CTNNA3: variants seen among roughly 807,000 people sequenced by gnomAD.
CTNNA3 encodes the protein catenin alpha-3.
In CTNNA3, 76 loss-of-function variants were observed where a neutral mutation model predicts 95.7. That is an observed-to-expected ratio of 0.79 (90% confidence interval 0.66 to 0.96). The LOEUF is 0.96. CTNNA3 is among the 40% of genes least tolerant of loss of function. The probability of loss-of-function intolerance (pLI) is 0.00; values close to 1 mark genes in which losing one functional copy is unlikely to be tolerated. For synonymous variants in CTNNA3, 431 were observed against 374.4 expected, an observed-to-expected ratio of 1.15 and a Z score of -1.74; for missense variants, 1,191 against 1,089.8, an observed-to-expected ratio of 1.09 and a Z score of -1.31.
chr10:66,787,591 C>T (rs949097210), intron 7 of CTNNA3, among the ~76,000 whole-genome samples: 1 of 152,086 alleles, frequency 6.6e-6, no homozygotes, highest in Non-Finnish European at 1.5e-5. Flanking sequence ...CAAGACCTAT[C>T]CCCTTGTCTA....
chr10:66,477,153 T>C (rs1411525667), intron 11 of CTNNA3, among the ~76,000 whole-genome samples: 1 of 152,124 alleles, frequency 6.6e-6, no homozygotes, highest in Non-Finnish European at 1.5e-5. Flanking sequence ...AAAGTAAAGA[T>C]GATGAAAGAT....
rs1843578821 is a variant in CTNNA3, at chr10:67,614,354, A to C, written c.100-7305T>G. On this transcript the variant is annotated intron_variant, in intron 2 of 17. Transcript: ENST00000433211. ...GGATTACATTTATTGTGTACTTTAT[A>C]TTATTATTACATTGTAATATATATG... Among the ~76,000 whole-genome samples the C allele has an allele frequency of 1.3e-5, 2 of 152,190 alleles. 1 individual carries two copies. The highest frequency in any genetic ancestry group is 4.1e-4 in the South Asian group (2 of 4,826).
chr10:66,550,316 T>C (rs903832070), intron 10 of CTNNA3, among the ~76,000 whole-genome samples: 7 of 152,204 alleles, frequency 4.6e-5, no homozygotes, highest in African/African-American at 1.2e-4. Context: ...TCTGTCTTTA[T>C]AGATCTGTAT....
intron 7 of CTNNA3, among the ~76,000 whole-genome samples, chr10:66,777,344 CT>C (rs1840342525): frequency 6.6e-6 from 1 of 151,658 alleles, no homozygotes; most frequent in African/African-American, 2.4e-5. Flanking sequence ...GTTTTAGTTT[CT>C]TATAAAGAGA....
intron 2 of CTNNA3, among the ~76,000 whole-genome samples, chr10:67,630,074 G>T (rs1408582808): frequency 6.6e-6 from 1 of 152,136 alleles, no homozygotes; most frequent in African/African-American, 2.4e-5. Flanking sequence ...ACCTATAACT[G>T]AGTGTCACTA....
At chr10:67,355,748 T>C (rs1256131034) in intron 5 of CTNNA3, among the ~76,000 whole-genome samples, 1 of 152,096 alleles carries the variant, frequency 6.6e-6, no homozygotes, top group African/African-American at 2.4e-5. Context: ...AAAGCTATCA[T>C]CGTTTTCAAA....
At chr10:66,158,703 A>T (rs1315523677) in intron 13 of CTNNA3, among the ~76,000 whole-genome samples, 1 of 152,018 alleles carries the variant, frequency 6.6e-6, no homozygotes, top group African/African-American at 2.4e-5. Flanking sequence ...TGGTAATTTA[A>T]TGGAAATTGC....
chr10:67,593,942 A>G (rs946824716), intron 3 of CTNNA3, among the ~76,000 whole-genome samples: 2 of 152,126 alleles, frequency 1.3e-5, no homozygotes, highest in African/African-American at 4.8e-5. Context: ...TTTGATGCCT[A>G]GTTTGTTGAG....
intron 11 of CTNNA3, among the ~76,000 whole-genome samples, chr10:66,403,691 C>T (rs1214832519): frequency 1.3e-5 from 2 of 152,054 alleles, no homozygotes; most frequent in Non-Finnish European, 2.9e-5. Flanking sequence ...CCAGTTTGGT[C>T]CTAAAACGGT....
intron 5 of CTNNA3, among the ~76,000 whole-genome samples, chr10:67,243,923 T>C (rs1284924609): frequency 1.3e-5 from 2 of 152,178 alleles, no homozygotes; most frequent in East Asian, 1.9e-4. Flanking sequence ...GAGGCCAAAA[T>C]GATGTCTTCA....
intron 9 of CTNNA3, among the ~76,000 whole-genome samples, chr10:66,741,261 T>C (rs1013044810): frequency 1.3e-4 from 20 of 151,870 alleles, no homozygotes; most frequent in African/African-American, 4.8e-4. Flanking sequence ...AATGGCTAGG[T>C]GGAAGGGAAG....
intron 5 of CTNNA3, chr10:67,346,653 A>C: frequency 2.0e-6 from 1 of 500,858 alleles, no homozygotes; most frequent in Non-Finnish European, 4.0e-6. Flanking sequence ...TCTAGTTATA[A>C]GTGAGTTTCT....
Position 67,761,968 on chromosome 10 carries a change from T to C in CTNNA3, c.-2+1466A>G, listed in dbSNP as rs150137377. Among the ~76,000 whole-genome samples, 374 of 152,192 alleles carry C rather than the reference T, an allele frequency of 2.5e-3. 2 individuals carry two copies. Among genetic ancestry groups the C allele is most frequent in the African/African-American group, 8.5e-3 (352 of 41,530 alleles). ...TTACCAACTGAAATTTGCATATGGTTGCAAAACAATGTTTTATGATATTAT... is the reference window on the plus strand; with the variant it reads ...TTACCAACTGAAATTTGCATATGGTCGCAAAACAATGTTTTATGATATTAT... On this transcript the variant is annotated intron_variant, in intron 1 of 17. Coordinates refer to the CTNNA3 transcript ENST00000684154.
chr10:66,862,306 G>A (rs1843971499), intron 7 of CTNNA3, among the ~76,000 whole-genome samples: 1 of 152,140 alleles, frequency 6.6e-6, no homozygotes, highest in Non-Finnish European at 1.5e-5. Context: ...TTAGCTTTGT[G>A]ATAAAATTGG....
intron 14 of CTNNA3, among the ~76,000 whole-genome samples, chr10:66,086,347 A>T (rs937376324): frequency 3.9e-5 from 6 of 152,146 alleles, no homozygotes; most frequent in African/African-American, 9.7e-5. Context: ...AGGAAGATAT[A>T]TTCCAGTTTT....
At chr10:66,869,646 G>GAGACAAAC (rs1844318653) in intron 7 of CTNNA3, among the ~76,000 whole-genome samples, 1 of 151,970 alleles carries the variant, frequency 6.6e-6, no homozygotes, top group Non-Finnish European at 1.5e-5. Flanking sequence ...AGTAGTAGAG[G>GAGACAAAC]AGACAAACTG....
At chr10:67,391,706 G>T (rs1465561998) in intron 5 of CTNNA3, among the ~76,000 whole-genome samples, 2 of 148,654 alleles carry the variant, frequency 1.3e-5, no homozygotes, top group African/African-American at 5.0e-5. Context: ...CCAAAACAGA[G>T]ATATAGATCA....
At chr10:66,063,200 A>C (rs1349802134) in intron 15 of CTNNA3, among the ~76,000 whole-genome samples, 13 of 74,884 alleles carry the variant, frequency 1.7e-4, no homozygotes, top group East Asian at 6.0e-4. Flanking sequence ...ACATGTATAT[A>C]TATATATATA....
chr10:66,284,136 T>C (rs898613616), intron 12 of CTNNA3, among the ~76,000 whole-genome samples: 1 of 151,902 alleles, frequency 6.6e-6, no homozygotes, highest in African/African-American at 2.4e-5. Flanking sequence ...CAAAGTATCT[T>C]GTCTATTTTA....
Sources: gnomAD v4.1 joint callset for allele counts (sites outside exome capture counted in the v4.1 genomes callset) on GRCh38, gnomAD v4.1.1 for gene constraint, MANE v1.5 for transcripts, NCBI Gene and HGNC (gene_info 2026-07-23, HGNC 2026-07-21) for gene names.